TSHR: variants seen among roughly 807,000 people sequenced by gnomAD.
The protein encoded by TSHR is thyroid stimulating hormone receptor, also known as thyrotropin receptor.
In TSHR, 51 loss-of-function variants were observed where a neutral mutation model predicts 64.1. That is an observed-to-expected ratio of 0.80 (90% CI 0.64 to 1.01). The LOEUF is 1.01. Among genes scored for constraint, TSHR ranks in the 50% least tolerant of loss-of-function variants. The pLI, the probability that TSHR is intolerant of heterozygous loss-of-function variation, is 0.00. For synonymous variants in TSHR, 361 were observed against 361.9 expected (o/e 1.00, Z 0.03); for missense variants, 877 against 942.8 (o/e 0.93, Z 0.91).
At chr14:81,039,673 C>T (rs1347994229) in intron 1 of TSHR, among the ~76,000 whole-genome samples, 1 of 151,456 alleles carries the variant, frequency 6.6e-6, no homozygotes, top group Non-Finnish European at 1.5e-5. Context: ...TTCTATGTGC[C>T]AATAAAAAAC....
At chr14:81,113,593 A>G (rs1289644864) in intron 8 of TSHR, among the ~76,000 whole-genome samples, 1 of 152,214 alleles carries the variant, frequency 6.6e-6, no homozygotes, top group Non-Finnish European at 1.5e-5. Context: ...AAACAACATT[A>G]AAATGACAGT....
chr14:81,037,440 CAAACAAAA>C lies in TSHR; in HGVS notation c.171-24705_171-24698del, dbSNP rs1566774810. Among the ~76,000 whole-genome samples the C allele has an allele frequency of 1.0e-3, 127 of 122,194 alleles. 4 individuals carry two copies. In the South Asian group the frequency reaches 0.015, roughly 14 times the overall value. 80.2% of individuals were successfully genotyped at this position (122,194 alleles called of 152,430 possible). On this transcript the variant is annotated intron_variant, in intron 1 of 9. Transcript: ENST00000298171. ...AATACAAAACAAACAAACAAACAAA[CAAACAAAA>C]AACAGAAAATGATCTAACAAAATGT...
At chr14:81,077,103 T>C (rs1887561396) in intron 3 of TSHR, among the ~76,000 whole-genome samples, 2 of 152,194 alleles carry the variant, frequency 1.3e-5, no homozygotes, top group East Asian at 1.9e-4. Flanking sequence ...CAGAGACACA[T>C]ACCATTCAGC....
At chr14:81,065,024 G>A (rs1886509808) in intron 2 of TSHR, among the ~76,000 whole-genome samples, 1 of 152,090 alleles carries the variant, frequency 6.6e-6, no homozygotes, top group South Asian at 2.1e-4. Context: ...AAAAGATTAG[G>A]CTCACAGACA....
At position 80,974,981 on chromosome 14, in the gene TSHR, C is replaced by T. The variant is rs544543368; in HGVS notation, c.170+19131C>T. 2.0e-5 allele frequency among the ~76,000 whole-genome samples: 3 copies of T among 152,242 alleles called. No homozygotes were observed. The East Asian group carries it at 5.8e-4, about 29-fold the overall frequency. ...GAAATGGACAGTGGAAGTCAGGAGACCTTCCATAAGTCCTAAGAATCTTAG... is the reference window on the plus strand; with the variant it reads ...GAAATGGACAGTGGAAGTCAGGAGATCTTCCATAAGTCCTAAGAATCTTAG... On this transcript the variant is annotated intron_variant, in intron 1 of 9. Coordinates refer to ENST00000298171, the MANE Select transcript of TSHR (RefSeq NM_000369.5).
Position 81,026,216 on chromosome 14 carries a change from A to G in TSHR, c.171-35932A>G, listed in dbSNP as rs141623374. 1.2e-3 allele frequency among the ~76,000 whole-genome samples: 186 copies of G among 152,318 alleles called. 1 individual carries two copies. The highest frequency in any genetic ancestry group is 4.4e-3 in the African/African-American group (181 of 41,568). On this transcript the variant is annotated intron_variant, in intron 1 of 9. Coordinates refer to ENST00000298171, the MANE Select transcript of TSHR (RefSeq NM_000369.5). ...GAGGCAGAAATTTTTTTTCTGATTTATCTATTGCTGTATTCTCCAAACCTA... is the reference window on the plus strand; with the variant it reads ...GAGGCAGAAATTTTTTTTCTGATTTGTCTATTGCTGTATTCTCCAAACCTA...
At chr14:80,971,976 C>A (rs903416767) in intron 1 of TSHR, among the ~76,000 whole-genome samples, 1 of 152,134 alleles carries the variant, frequency 6.6e-6, no homozygotes, top group African/African-American at 2.4e-5. Context: ...AAAATATGTG[C>A]CTCTTAAGAT....
intron 8 of TSHR, among the ~76,000 whole-genome samples, chr14:81,125,469 G>A (rs531777277): frequency 3.3e-5 from 5 of 152,212 alleles, no homozygotes; most frequent in East Asian, 3.9e-4. Flanking sequence ...CCCTCAACTC[G>A]CCTCAGCCCT....
chr14:81,019,524 T>C (rs1036716574), intron 1 of TSHR, among the ~76,000 whole-genome samples: 9 of 148,634 alleles, frequency 6.1e-5, no homozygotes, highest in Admixed American at 2.1e-4. Flanking sequence ...GTTTGTTACA[T>C]AGGTATACAT....
intron 1 of TSHR, among the ~76,000 whole-genome samples, chr14:80,988,672 A>G (rs375040521): frequency 6.6e-6 from 1 of 152,316 alleles, no homozygotes; most frequent in East Asian, 1.9e-4. Context: ...GACATGTCTC[A>G]ACTGATTTGG....
chr14:81,105,306 T>C (rs1168284070), intron 7 of TSHR: 6 of 896,090 alleles, frequency 6.7e-6, no homozygotes, highest in Non-Finnish European at 8.0e-6. Flanking sequence ...GGCTTCTGTA[T>C]ATGTATTTCC....
intron 8 of TSHR, among the ~76,000 whole-genome samples, chr14:81,121,544 G>A (rs183175395): frequency 0.01 from 1,532 of 152,248 alleles, 27 homozygotes; most frequent in African/African-American, 0.034. Context: ...GAAGCAAATA[G>A]AATCCCCAGG....
At chr14:81,001,084 G>A (rs1889285801) in intron 1 of TSHR, 1 of 164,448 alleles carries the variant, frequency 6.1e-6, no homozygotes, top group Non-Finnish European at 1.3e-5. Flanking sequence ...ACTTCTTTGT[G>A]GGAGTTGGGA....
intron 1 of TSHR, among the ~76,000 whole-genome samples, chr14:80,959,871 C>T (rs1373822803): frequency 6.6e-6 from 1 of 152,130 alleles, no homozygotes; most frequent in Non-Finnish European, 1.5e-5. Flanking sequence ...GTTATTTACT[C>T]AGTATTTTTA....
intron 1 of TSHR, among the ~76,000 whole-genome samples, chr14:80,961,943 AGAAAATTT>A (rs1887052727): frequency 1.3e-5 from 2 of 152,318 alleles, no homozygotes; most frequent in South Asian, 4.1e-4. Flanking sequence ...CCCAATCCTT[AGAAAATTT>A]GAAAACATCT....
At position 80,986,094 on chromosome 14, in the gene TSHR, G is replaced by T. The variant is rs556092940; in HGVS notation, c.170+30244G>T. On this transcript the variant is annotated intron_variant, in intron 1 of 9. Transcript: ENST00000298171. ...TGTTTTCAGTTCTTTCATAATATCT[G>T]GGGAGTTCCTGGATTTCTAGAGAGT... 2.8e-4 allele frequency among the ~76,000 whole-genome samples: 42 copies of T among 152,194 alleles called. 1 individual carries two copies. Among genetic ancestry groups the T allele is most frequent in the South Asian group, 1.7e-3 (8 of 4,812 alleles).
chr14:81,045,271 G>A (rs1334923672), intron 1 of TSHR, among the ~76,000 whole-genome samples: 1 of 152,174 alleles, frequency 6.6e-6, no homozygotes. Context: ...AATGCATTAG[G>A]GAGAATTGCC....
chr14:81,014,979 G>A (rs1291894417), intron 1 of TSHR, among the ~76,000 whole-genome samples: 1 of 152,114 alleles, frequency 6.6e-6, no homozygotes, highest in East Asian at 1.9e-4. Flanking sequence ...TCAATTCCAT[G>A]GGCTGGTGAT....
At chr14:81,080,790 A>C (rs1887846140) in intron 3 of TSHR, among the ~76,000 whole-genome samples, 1 of 152,214 alleles carries the variant, frequency 6.6e-6, no homozygotes. Flanking sequence ...TATGAAAAGT[A>C]AGTGCTAGTC....
Sources: gnomAD v4.1 joint callset for allele counts (sites outside exome capture counted in the v4.1 genomes callset) on GRCh38, gnomAD v4.1.1 for gene constraint, MANE v1.5 for transcripts, NCBI Gene and HGNC (gene_info 2026-07-23, HGNC 2026-07-21) for gene names.